Variants in HNRNPUL1 observed in about 807,000 individuals in gnomAD.
HNRNPUL1 encodes the protein heterogeneous nuclear ribonucleoprotein U like 1.
Under a neutral mutation model 108.5 loss-of-function variants are expected in HNRNPUL1, and 14 were observed. The observed-to-expected ratio is 0.13, with a 90% CI of 0.09 to 0.20. The LOEUF (loss-of-function observed/expected upper bound fraction) is 0.20. Among genes scored for constraint, HNRNPUL1 ranks in the 10% least tolerant of loss-of-function variants. The probability of loss-of-function intolerance (pLI) is 1.00; values close to 1 mark genes in which losing one functional copy is unlikely to be tolerated. For missense variants in HNRNPUL1, 804 were observed against 1,168.3 expected, an observed-to-expected ratio of 0.69 and a Z score of 4.55; for synonymous variants, 422 against 445.2, an observed-to-expected ratio of 0.95 and a Z score of 0.66.
At chr19:41,302,517 C>G (rs777724499) in intron 11 of HNRNPUL1, 148 bp from the exon 12 acceptor site, 102 of 1,055,824 alleles carry the variant, frequency 9.7e-5, no homozygotes, top group Non-Finnish European at 1.4e-4. Context: ...CCGCGCCCGC[C>G]CTTCTGTCTA....
intron 7 of HNRNPUL1, among the ~76,000 whole-genome samples, chr19:41,290,113 A>C: frequency 6.6e-6 from 1 of 152,144 alleles, no homozygotes; most frequent in East Asian, 1.9e-4. Context: ...TTAATGAGGA[A>C]GCTCCTCAAG....
intron 10 of HNRNPUL1, among the ~76,000 whole-genome samples, chr19:41,295,432 G>A (rs1407771848): frequency 6.6e-6 from 1 of 152,220 alleles, no homozygotes; most frequent in Non-Finnish European, 1.5e-5. Context: ...TCAAAAGGAT[G>A]AGTGACCCAA....
At chr19:41,281,615 C>T (rs576395154) in intron 7 of HNRNPUL1, among the ~76,000 whole-genome samples, 6 of 152,064 alleles carry the variant, frequency 3.9e-5, no homozygotes, top group South Asian at 4.1e-4. Flanking sequence ...CCTGTCTGCT[C>T]CTGAAGGCAG....
rs1234204086 is a variant in HNRNPUL1, at chr19:41,265,115, AC to A, written c.295+318del. The A allele has an allele frequency of 2.1e-6, 3 of 1,418,764 alleles. No homozygotes were observed. In the African/African-American group the frequency reaches 4.4e-5, roughly 21 times the overall value. 87.9% of individuals were successfully genotyped at this position (1,418,764 alleles called of 1,614,324 possible). Reference sequence around the variant, plus strand: ...TCTGGAGCCGAAGAGAGTCGGAAGAACAAGAGGTTTTCCGTTTGGGTTGGGG... The same window carrying A: ...TCTGGAGCCGAAGAGAGTCGGAAGAAAAGAGGTTTTCCGTTTGGGTTGGGG... On this transcript the variant is annotated intron_variant, in intron 1 of 14. Transcript: ENST00000392006.
Position 41,292,525 on chromosome 19 carries a change from G to C in HNRNPUL1, c.1266+14G>C, listed in dbSNP as rs768935854. 1.2e-6 allele frequency: 2 copies of C among 1,601,620 alleles called. No homozygotes were observed. The highest frequency in any genetic ancestry group is 1.3e-5 in the African/African-American group (1 of 74,732). On this transcript the variant is annotated intron_variant, in intron 8 of 14. Coordinates refer to ENST00000392006, the MANE Select transcript of HNRNPUL1 (RefSeq NM_007040.6). This position sits in a 1 kb window ranked among gnomAD's most constrained non-coding sequence, Gnocchi z 4.1. Reference sequence around the variant, plus strand: ...GCAGAATGTGAGGTGAGTGGGGCCAGAATGTATTGGTGGCCACCTTGCTGC... The same window carrying C: ...GCAGAATGTGAGGTGAGTGGGGCCACAATGTATTGGTGGCCACCTTGCTGC...
chr19:41,274,112 G>C (rs1286191049), intron 4 of HNRNPUL1, 57 bp downstream of exon 4: 1 of 1,409,676 alleles, frequency 7.1e-7, no homozygotes, highest in Non-Finnish European at 1.0e-6. Flanking sequence ...GGGAAATTGT[G>C]GTCTTGACCT....
intron 7 of HNRNPUL1, among the ~76,000 whole-genome samples, chr19:41,288,327 C>T (rs1168095899): frequency 6.6e-6 from 1 of 151,794 alleles, no homozygotes; most frequent in African/African-American, 2.4e-5. Flanking sequence ...CTCACCACAA[C>T]CTCCGCCTCC....
chr19:41,279,540 C>T (rs1246978346), intron 6 of HNRNPUL1, among the ~76,000 whole-genome samples: 1 of 152,148 alleles, frequency 6.6e-6, no homozygotes, highest in Non-Finnish European at 1.5e-5. Context: ...TATTTTCTGT[C>T]CGGAGCCTAA....
intron 12 of HNRNPUL1, 105 bp from the exon 13 acceptor site, chr19:41,303,867 C>G (rs749312053): frequency 2.0e-4 from 281 of 1,392,458 alleles, no homozygotes; most frequent in Non-Finnish European, 2.7e-4. Flanking sequence ...AGTTCTTGCT[C>G]TGCGCCTGGC....
chr19:41,304,060 C>G lies in HNRNPUL1; in HGVS notation c.2061C>G (p.Ser687Arg). Residue 687 changes from serine to arginine, a missense_variant, in exon 13 of 15, where the codon AGC (serine) becomes AGG (arginine). This residue lies in a region of HNRNPUL1 where 294 missense variants were observed against 388.3 expected (regional missense o/e 0.76). Transcript: ENST00000392006. Reference sequence around the variant, plus strand: ...ACAACAACTCCAACAACAGAGGCAGCTACAACCGGGCTCCCCAGCAACAGC... The same window carrying G: ...ACAACAACTCCAACAACAGAGGCAGGTACAACCGGGCTCCCCAGCAACAGC... ...RDNNNSNNRG[S>R]YNRAPQQQPP... The G allele has an allele frequency of 6.2e-7, 1 of 1,613,692 alleles. No individual in the cohort carries two copies. The highest frequency in any genetic ancestry group is 1.1e-5 in the South Asian group (1 of 91,074).
Position 41,306,515 on chromosome 19 carries a change from G to A in HNRNPUL1, c.2521G>A (p.Asp841Asn), listed in dbSNP as rs539482956. ...GTGGCCGCCATACTACGGGAACTAC[G>A]ACTACGGGAGCTACTCCGGGAACAC... ...GQWPPYYGNYDYGSYSGNTQG... is the reference protein window; with the variant it reads ...GQWPPYYGNYNYGSYSGNTQG... The change falls in exon 15 of 15, where the codon GAC (aspartate) becomes AAC (asparagine). Residue 841 changes from aspartate (D) to asparagine (N), a missense_variant. Asp to Asn is a conservative substitution (Grantham distance 23). This residue lies in a region of HNRNPUL1 where 294 missense variants were observed against 388.3 expected (regional missense o/e 0.76). Transcript: ENST00000392006. The A allele has an allele frequency of 1.9e-6, 3 of 1,606,056 alleles. No homozygotes were observed. Among genetic ancestry groups the A allele is most frequent in the Non-Finnish European group, 1.7e-6 (2 of 1,176,570 alleles).
At chr19:41,299,840 T>C (rs558956458) in intron 10 of HNRNPUL1, among the ~76,000 whole-genome samples, 68 of 152,134 alleles carry the variant, frequency 4.5e-4, no homozygotes, top group African/African-American at 1.6e-3. Context: ...TGGTCTGAGT[T>C]GCTTCAAGTC....
At chr19:41,276,459 A>G (rs1384471186) in intron 5 of HNRNPUL1, 161 bp downstream of exon 5, 8 of 651,036 alleles carry the variant, frequency 1.2e-5, no homozygotes, top group East Asian at 3.0e-5. Flanking sequence ...CAACTACATC[A>G]TTGCTAAATA....
chr19:41,270,262 C>T (rs1468465419), intron 2 of HNRNPUL1, among the ~76,000 whole-genome samples: 2 of 151,904 alleles, frequency 1.3e-5, no homozygotes, highest in Non-Finnish European at 2.9e-5. Context: ...GGGTTACAGG[C>T]GTGAGCCACT....
In HNRNPUL1 at chr19:41,292,613, C is replaced by T; in HGVS notation, c.1266+102C>T. On this transcript the variant is annotated intron_variant, in intron 8 of 14. Coordinates refer to ENST00000392006, the MANE Select transcript of HNRNPUL1 (RefSeq NM_007040.6). The surrounding 1 kb of genome is among the most constrained non-coding windows in gnomAD (Gnocchi z 4.1). ...ACTTGCTGCGAGAGTAGCCTTGGGG[C>T]AAGTGGCCACTTTGTCCCAGCTCCT... is the stretch of plus-strand genomic sequence containing the variant. 1.4e-6 allele frequency: 2 copies of T among 1,414,846 alleles called. No homozygotes were observed. The allele number at this position is 1,414,846 out of a possible 1,614,324, so 87.6% of individuals were successfully genotyped here.
intron 10 of HNRNPUL1, among the ~76,000 whole-genome samples, chr19:41,299,805 G>A (rs904418165): frequency 2.6e-5 from 4 of 151,864 alleles, no homozygotes; most frequent in African/African-American, 7.3e-5. Context: ...TGCTTGGGAG[G>A]TCACTATAAG....
At chr19:41,284,158 G>A (rs1442096576) in intron 7 of HNRNPUL1, among the ~76,000 whole-genome samples, 1 of 151,760 alleles carries the variant, frequency 6.6e-6, no homozygotes, top group East Asian at 1.9e-4. Flanking sequence ...GATGCTGGAA[G>A]TGTTGCTCAG....
intron 7 of HNRNPUL1, among the ~76,000 whole-genome samples, chr19:41,290,201 A>C (rs78947922): frequency 0.065 from 9,906 of 152,260 alleles, 891 homozygotes; most frequent in African/African-American, 0.19. Context: ...ATACTTTCAT[A>C]TCAGAAAGCG....
intron 1 of HNRNPUL1, among the ~76,000 whole-genome samples, chr19:41,266,202 A>G (rs1376503060): frequency 1.3e-5 from 2 of 152,114 alleles, no homozygotes; most frequent in African/African-American, 4.8e-5. Flanking sequence ...TGGGAGGCCG[A>G]GGCGGGCGGA....
Sources: gnomAD v4.1 joint callset for allele counts (sites outside exome capture counted in the v4.1 genomes callset) on GRCh38, gnomAD v4.1.1 for gene constraint, gnomAD v4.1.1 regional missense constraint, Gnocchi (gnomAD v3.1) non-coding constraint, MANE v1.5 for transcripts, NCBI Gene and HGNC (gene_info 2026-07-23, HGNC 2026-07-21) for gene names.